Variants in INSR observed in about 807,000 individuals in gnomAD.
The protein encoded by INSR is insulin receptor.
A neutral mutation model predicts 142.6 loss-of-function variants in INSR; 67 were observed. The observed-to-expected ratio is 0.47, with a 90% confidence interval of 0.39 to 0.58. The LOEUF (loss-of-function observed/expected upper bound fraction) is 0.58. Ranked by LOEUF, INSR falls within the 20% of genes least tolerant of loss-of-function variation. The probability of loss-of-function intolerance (pLI) is 0.00; values close to 1 mark genes in which losing one functional copy is unlikely to be tolerated. For synonymous variants in INSR, 756 were observed against 743.1 expected (o/e 1.02, Z -0.28); for missense variants, 1,248 against 1,833.2 (o/e 0.68, Z 5.83).
At chr19:7,236,667 T>C (rs1384793875) in intron 2 of INSR, among the ~76,000 whole-genome samples, 1 of 152,184 alleles carries the variant, frequency 6.6e-6, no homozygotes, top group African/African-American at 2.4e-5. Flanking sequence ...AAATCAGGAA[T>C]GGAAAACCAA....
At chr19:7,139,158 G>A (rs1973007813) in intron 13 of INSR, among the ~76,000 whole-genome samples, 1 of 152,174 alleles carries the variant, frequency 6.6e-6, no homozygotes, top group Non-Finnish European at 1.5e-5. Context: ...GCCCCCAGCT[G>A]AGGCCCCAGC....
At chr19:7,223,204 A>G (rs1027633592) in intron 2 of INSR, among the ~76,000 whole-genome samples, 1 of 152,102 alleles carries the variant, frequency 6.6e-6, no homozygotes, top group African/African-American at 2.4e-5. Flanking sequence ...AACAAAAAAA[A>G]CCAACTGGCT....
chr19:7,137,798 C>CAAAAAAAAAAAAAAAAA (rs1176523364), intron 13 of INSR, among the ~76,000 whole-genome samples: 1 of 41,468 alleles, frequency 2.4e-5, no homozygotes, highest in Non-Finnish European at 3.9e-5. Context: ...GACTCCATCT[C>CAAAAAAAAAAAAAAAAA]AAAAAAAAAA....
chr19:7,179,655 C>A (rs915719234), intron 3 of INSR, among the ~76,000 whole-genome samples: 1 of 152,192 alleles, frequency 6.6e-6, no homozygotes, highest in Non-Finnish European at 1.5e-5. Context: ...CATCGTCTAA[C>A]CCTGCTTTCA....
intron 2 of INSR, among the ~76,000 whole-genome samples, chr19:7,205,307 C>T (rs1975078948): frequency 6.6e-6 from 1 of 152,120 alleles, no homozygotes; most frequent in Admixed American, 6.5e-5. Context: ...GACCATGCTC[C>T]AATCAAGTTC....
At chr19:7,268,428 G>T (rs530929083) in intron 1 of INSR, 1 of 985,100 alleles carries the variant, frequency 1.0e-6, no homozygotes, top group African/African-American at 1.7e-5. Flanking sequence ...TGTGGTGAGG[G>T]CTTCCCAGGG....
At chr19:7,182,742 T>A (rs8108622) in intron 3 of INSR, among the ~76,000 whole-genome samples, 35,379 of 151,762 alleles carry the variant, frequency 0.23, 4,124 homozygotes, top group Middle Eastern at 0.26. Flanking sequence ...CTCAGGCCAT[T>A]GTTAAGGTGA....
intron 2 of INSR, among the ~76,000 whole-genome samples, chr19:7,187,617 T>C (rs7245757): frequency 0.73 from 111,140 of 152,014 alleles, 40,770 homozygotes; most frequent in African/African-American, 0.75. Flanking sequence ...GTCACTTAGG[T>C]TCTGGGGTAC....
chr19:7,267,292 C>T lies in INSR; in HGVS notation c.652+53G>A, dbSNP rs1967763521. ...TTTTTAAGCCATAAAACATTTTAAG[C>T]TTTCTAGAACAAGGCACGAGACACT... On this transcript the variant is annotated intron_variant, in intron 2 of 21. Coordinates refer to ENST00000302850, the MANE Select transcript of INSR (RefSeq NM_000208.4). The surrounding 1 kb of genome is among the most constrained non-coding windows in gnomAD (Gnocchi z 6.3). The T allele has an allele frequency of 1.3e-6, 2 of 1,584,362 alleles. No individual in the cohort carries two copies. Among genetic ancestry groups the T allele is most frequent in the South Asian group, 2.2e-5 (2 of 90,150 alleles).
At chr19:7,148,477 CTTTTTTTTT>C (rs71177160) in intron 11 of INSR, among the ~76,000 whole-genome samples, 1 of 95,062 alleles carries the variant, frequency 1.1e-5, no homozygotes, top group Non-Finnish European at 1.9e-5. Flanking sequence ...TGTATTTATT[CTTTTTTTTT>C]TTTTTTTTTG....
At chr19:7,158,351 A>C (rs1973660491) in intron 9 of INSR, among the ~76,000 whole-genome samples, 2 of 151,956 alleles carry the variant, frequency 1.3e-5, no homozygotes, top group African/African-American at 4.8e-5. Context: ...AATACAAAAA[A>C]TTAGCCGGGC....
At chr19:7,153,365 C>CA (rs1568450051) in intron 9 of INSR, among the ~76,000 whole-genome samples, 47 of 16,554 alleles carry the variant, frequency 2.8e-3, no homozygotes, top group Middle Eastern at 0.056. Flanking sequence ...ACACCACACA[C>CA]CCCACACACA....
chr19:7,162,053 G>A (rs375948170), intron 9 of INSR, among the ~76,000 whole-genome samples: 20 of 152,038 alleles, frequency 1.3e-4, no homozygotes, highest in African/African-American at 4.1e-4. Flanking sequence ...AGGGCCAGGC[G>A]TGGTGGCTCA....
At chr19:7,256,935 T>G (rs1189453296) in intron 2 of INSR, among the ~76,000 whole-genome samples, 13 of 146,896 alleles carry the variant, frequency 8.8e-5, no homozygotes, top group South Asian at 2.2e-4. Context: ...CCCTACCTTT[T>G]TTTTTTTTTT....
chr19:7,212,275 T>C (rs1306595397), intron 2 of INSR, among the ~76,000 whole-genome samples: 1 of 152,122 alleles, frequency 6.6e-6, no homozygotes, highest in African/African-American at 2.4e-5. Flanking sequence ...AGTTGGTCCA[T>C]CTGTCTGTCT....
chr19:7,126,354 G>A (rs1972645617), intron 16 of INSR, among the ~76,000 whole-genome samples: 1 of 152,220 alleles, frequency 6.6e-6, no homozygotes, highest in Non-Finnish European at 1.5e-5. Flanking sequence ...CCTGCCCAAG[G>A]GTCCCAGACC....
At chr19:7,118,019 G>A (rs893103314) in intron 21 of INSR, among the ~76,000 whole-genome samples, 1 of 150,980 alleles carries the variant, frequency 6.6e-6, no homozygotes, top group Admixed American at 6.6e-5. Context: ...CCATCCTCCT[G>A]CCTCAACCTC....
chr19:7,190,962 C>A (rs192091831), intron 2 of INSR, among the ~76,000 whole-genome samples: 83 of 152,132 alleles, frequency 5.5e-4, no homozygotes, highest in African/African-American at 1.9e-3. Context: ...CACATGGTAC[C>A]CCATAAATAT....
Position 7,125,253 on chromosome 19 carries a change from C to G in INSR, c.3258+30G>C. ...AGAGAAAGGGAAGGGTCAGGAAAGC[C>G]AGCCCATGTCCCACCCCCACTGGAC... On this transcript the variant is annotated intron_variant, in intron 17 of 21. Coordinates refer to ENST00000302850, the MANE Select transcript of INSR (RefSeq NM_000208.4). The surrounding 1 kb of genome is among the most constrained non-coding windows in gnomAD (Gnocchi z 4.9). 2 of 1,613,512 alleles carry G rather than the reference C, an allele frequency of 1.2e-6. No individual in the cohort carries two copies. Among genetic ancestry groups the G allele is most frequent in the Non-Finnish European group, 1.7e-6 (2 of 1,179,992 alleles).
Sources: gnomAD v4.1 joint callset for allele counts (sites outside exome capture counted in the v4.1 genomes callset) on GRCh38, gnomAD v4.1.1 for gene constraint, Gnocchi (gnomAD v3.1) non-coding constraint, MANE v1.5 for transcripts, NCBI Gene and HGNC (gene_info 2026-07-23, HGNC 2026-07-21) for gene names.